ANKS1A: variants seen among roughly 807,000 people sequenced by gnomAD.
ANKS1A encodes ankyrin repeat and SAM domain-containing protein 1A.
In ANKS1A, 55 loss-of-function variants were observed where a neutral mutation model predicts 120.3. The observed-to-expected ratio is 0.46, with a 90% CI of 0.37 to 0.57. ANKS1A has a LOEUF of 0.57. Among genes scored for constraint, ANKS1A ranks in the 20% least tolerant of loss-of-function variants. The pLI is 0.00. For synonymous variants in ANKS1A, 590 were observed against 604.7 expected (o/e 0.98, Z 0.36); for missense variants, 1,123 against 1,480.3 (o/e 0.76, Z 3.96).
At chr6:34,896,828 G>A (rs983757361) in intron 1 of ANKS1A, among the ~76,000 whole-genome samples, 5 of 152,128 alleles carry the variant, frequency 3.3e-5, no homozygotes, top group African/African-American at 1.2e-4. Flanking sequence ...GCTGGGTGTG[G>A]TGGCCTGCAT....
intron 1 of ANKS1A, among the ~76,000 whole-genome samples, chr6:34,926,152 CTGA>C (rs1304060313): frequency 1.3e-5 from 2 of 152,178 alleles, no homozygotes; most frequent in East Asian, 3.9e-4. Flanking sequence ...TTTGTATTTT[CTGA>C]TGATGACAAA....
intron 12 of ANKS1A, among the ~76,000 whole-genome samples, chr6:35,055,152 C>A (rs1193407711): frequency 6.6e-6 from 1 of 152,124 alleles, no homozygotes; most frequent in African/African-American, 2.4e-5. Context: ...GACCACGGGG[C>A]CTGGTGGGGA....
At chr6:34,929,627 C>A (rs181119471) in intron 1 of ANKS1A, among the ~76,000 whole-genome samples, 1 of 152,182 alleles carries the variant, frequency 6.6e-6, no homozygotes, top group East Asian at 1.9e-4. Flanking sequence ...AATACTCTAC[C>A]TTTTTATTGT....
intron 10 of ANKS1A, among the ~76,000 whole-genome samples, chr6:35,001,873 C>G (rs560107745): frequency 3.9e-5 from 6 of 152,260 alleles, no homozygotes; most frequent in Admixed American, 2.6e-4. Context: ...GACTGTAAGG[C>G]CCTGGCCAAG....
chr6:35,090,600 G>A lies in ANKS1A; in HGVS notation c.*1991G>A. The A allele has an allele frequency of 1.0e-6, 1 of 990,612 alleles. No homozygotes were observed. The highest frequency in any genetic ancestry group is 1.2e-6 in the Non-Finnish European group (1 of 833,128). 61.4% of individuals were successfully genotyped at this position (990,612 alleles called of 1,614,324 possible). On this transcript the variant is annotated 3_prime_UTR_variant, in exon 24 of 24. Coordinates refer to ENST00000360359, the MANE Select transcript of ANKS1A (RefSeq NM_015245.3). ...TCTGTTTAGAGATTGGTTTATTTCT[G>A]AATATTCAAGAAAGGAAAATGACTG...
chr6:34,970,300 C>CATGCTAAGGAACTGA, intron 3 of ANKS1A, 134 bp downstream of exon 3: 9 of 1,057,178 alleles, frequency 8.5e-6, no homozygotes, highest in Non-Finnish European at 7.9e-6. Flanking sequence ...TAATCAGTTC[C>CATGCTAAGGAACTGA]TTAGCATGGA....
chr6:35,079,255 C>T (rs1045912286), intron 14 of ANKS1A, among the ~76,000 whole-genome samples: 1 of 152,208 alleles, frequency 6.6e-6, no homozygotes, highest in Non-Finnish European at 1.5e-5. Context: ...TGCAGACCCC[C>T]CCTCCCTACC....
rs1443286134 is a variant in ANKS1A, at chr6:35,087,067, T to C, written c.3401+18T>C. On this transcript the variant is annotated intron_variant, in intron 23 of 23. Transcript: ENST00000360359. The stretch of plus-strand genomic sequence containing the variant: ...AGCACCAAGTATGAGACCACTATCT[T>C]CTAAAACAACCCACTCCCTGTCTCC... The C allele has an allele frequency of 6.2e-7, 1 of 1,611,608 alleles. No homozygotes were observed. The highest frequency in any genetic ancestry group is 8.5e-7 in the Non-Finnish European group (1 of 1,177,924).
rs1203133262 is a variant in ANKS1A, at chr6:34,955,210, C to T, written c.198-12029C>T. On this transcript the variant is annotated intron_variant, in intron 1 of 23. Coordinates refer to ENST00000360359, the MANE Select transcript of ANKS1A (RefSeq NM_015245.3). ...GGAGTGAGGTGGCGTGATCTTGGCTCACTGTGACCTCCACCTCCCAGGTTC... is the reference window on the plus strand; with the variant it reads ...GGAGTGAGGTGGCGTGATCTTGGCTTACTGTGACCTCCACCTCCCAGGTTC... 7.3e-5 allele frequency among the ~76,000 whole-genome samples: 11 copies of T among 151,686 alleles called. No homozygotes were observed. In the East Asian group the frequency reaches 1.6e-3, roughly 21 times the overall value.
At chr6:34,978,560 C>T (rs1445816818) in intron 3 of ANKS1A, among the ~76,000 whole-genome samples, 1 of 152,086 alleles carries the variant, frequency 6.6e-6, no homozygotes, top group Non-Finnish European at 1.5e-5. Flanking sequence ...AATCCCGGCA[C>T]TTTGGGAGGC....
intron 9 of ANKS1A, among the ~76,000 whole-genome samples, chr6:34,992,077 C>CAAAT (rs1772606342): frequency 6.6e-6 from 1 of 151,906 alleles, no homozygotes; most frequent in Non-Finnish European, 1.5e-5. Context: ...TGGGTATGAG[C>CAAAT]AATTGGATGA....
At chr6:35,023,569 T>C in intron 11 of ANKS1A, 2 of 456,576 alleles carry the variant, frequency 4.4e-6, no homozygotes. Context: ...GACTGAATAT[T>C]GGTTGAAAGG....
rs928734146 is a variant in ANKS1A, at chr6:35,091,250, G to A, written c.*2641G>A. 4.1e-6 allele frequency: 4 copies of A among 985,680 alleles called. No homozygotes were observed. The African/African-American group carries it at 7.0e-5, about 17-fold the overall frequency. The allele number at this position is 985,680 out of a possible 1,614,324, so 61.1% of individuals were successfully genotyped here. On this transcript the variant is annotated 3_prime_UTR_variant, in exon 24 of 24. Transcript: ENST00000360359. ...TTGTCTGAATTATAAACACTTTGAG[G>A]TACCAAACATAACCAATCTGTGCAA...
chr6:34,903,099 A>G (rs911923959), intron 1 of ANKS1A, among the ~76,000 whole-genome samples: 4 of 152,214 alleles, frequency 2.6e-5, no homozygotes, highest in Non-Finnish European at 2.9e-5. Context: ...TAAGTTTGGT[A>G]TAATGCTGCT....
Position 35,085,528 on chromosome 6 carries a change from T to C in ANKS1A, c.3133-238T>C, listed in dbSNP as rs1303574715. Among the ~76,000 whole-genome samples the C allele has an allele frequency of 6.6e-6, 1 of 152,194 alleles. No individual in the cohort carries two copies. Among genetic ancestry groups the C allele is most frequent in the African/African-American group, 2.4e-5 (1 of 41,432 alleles). On this transcript the variant is annotated intron_variant, in intron 21 of 23. Coordinates refer to ENST00000360359, the MANE Select transcript of ANKS1A (RefSeq NM_015245.3). This position sits in a 1 kb window ranked among gnomAD's most constrained non-coding sequence, Gnocchi z 4.7. ...CCTTGGAAAAGACCTGCCGTAGGCT[T>C]ACAGCAGTGTGCACCTGCCCTCCCC...
intron 10 of ANKS1A, among the ~76,000 whole-genome samples, chr6:35,006,314 C>CA (rs568475979): frequency 0.017 from 1,971 of 115,072 alleles, 25 homozygotes; most frequent in African/African-American, 0.04. Context: ...GGCTCTGTCT[C>CA]AAAAAAAAAA....
chr6:34,995,533 T>C (rs970123329), intron 10 of ANKS1A, among the ~76,000 whole-genome samples: 6 of 152,154 alleles, frequency 3.9e-5, no homozygotes, highest in African/African-American at 1.2e-4. Context: ...AACAGTTTCA[T>C]CCCCAAAATT....
At chr6:34,940,271 A>G (rs1482406967) in intron 1 of ANKS1A, among the ~76,000 whole-genome samples, 1 of 152,200 alleles carries the variant, frequency 6.6e-6, no homozygotes, top group Non-Finnish European at 1.5e-5. Context: ...GTGTTGACTG[A>G]TGTAGTTCAC....
At chr6:34,935,978 C>T (rs1349002650) in intron 1 of ANKS1A, among the ~76,000 whole-genome samples, 1 of 140,924 alleles carries the variant, frequency 7.1e-6, no homozygotes, top group Non-Finnish European at 1.5e-5. Context: ...AGGAGAATGG[C>T]GTGAACCCGG....
Sources: gnomAD v4.1 joint callset for allele counts (sites outside exome capture counted in the v4.1 genomes callset) on GRCh38, gnomAD v4.1.1 for gene constraint, Gnocchi (gnomAD v3.1) non-coding constraint, MANE v1.5 for transcripts, NCBI Gene and HGNC (gene_info 2026-07-23, HGNC 2026-07-21) for gene names.